BOP1: variants seen among roughly 807,000 people sequenced by gnomAD.
BOP1 encodes BOP1 ribosomal biogenesis factor, also known as ribosome biogenesis protein BOP1.
In BOP1, 54 loss-of-function variants were observed where a neutral mutation model predicts 82.9. That is an observed-to-expected ratio of 0.65 (90% CI 0.52 to 0.82). BOP1 has a LOEUF of 0.82. BOP1 is among the 40% of genes least tolerant of loss of function. The probability of loss-of-function intolerance (pLI) is 0.00; values close to 1 mark genes in which losing one functional copy is unlikely to be tolerated. For missense variants in BOP1, 1,170 were observed against 1,072.0 expected (o/e 1.09, Z -1.28); for synonymous variants, 566 against 451.1 (o/e 1.25, Z -3.23).
In BOP1 at chr8:144,262,844, A is replaced by T. The variant is rs1458260247; in HGVS notation, c.1894+9T>A. On this transcript the variant is annotated intron_variant, in intron 13 of 15. Transcript: ENST00000569669. ...CTCACCTGCAGGGTGCACCGCCCCC[A>T]CCCCTCACCTGCAGGGTGCACCGCC... 1 of 599,604 alleles carries T rather than the reference A, an allele frequency of 1.7e-6. No individual in the cohort carries two copies. The highest frequency in any genetic ancestry group is 2.2e-6 in the Non-Finnish European group (1 of 453,620). The allele number at this position is 599,604 out of a possible 1,614,324, so 37.1% of individuals were successfully genotyped here.
Position 144,264,732 on chromosome 8 carries a change from C to T in BOP1, c.645G>A (p.Val215=). 3 of 1,581,382 alleles carry T rather than the reference C, an allele frequency of 1.9e-6. No homozygotes were observed. Among genetic ancestry groups the T allele is most frequent in the Non-Finnish European group, 2.6e-6 (3 of 1,164,534 alleles). ...CACCTACCTCATAGGGGTTGAAGCC[C>T]ACATCCCCAAACTGGCCACTCTGCA... ...RRLQSGQFGD[V]GFNPYEPAVD... The change falls in exon 5 of 16, where the codon GTG becomes GTA. Residue 215 remains valine, a synonymous_variant. Transcript: ENST00000569669.
chr8:144,264,408 C>T lies in BOP1; in HGVS notation c.795G>A (p.Met265Ile), dbSNP rs1008582267. 1.1e-5 allele frequency: 17 copies of T among 1,602,678 alleles called. No individual in the cohort carries two copies. The African/African-American group carries it at 1.2e-4, about 11-fold the overall frequency. ...KVSRMVHAIKMGWIQPRRPRD... is the reference protein window; with the variant it reads ...KVSRMVHAIKIGWIQPRRPRD... ...GGGGCCGGCGAGGCTGGATCCAGCC[C>T]ATCTTGATGGCGTGCACCATGCGAG... The change falls in exon 7 of 16, where the codon ATG (methionine) becomes ATA (isoleucine). Residue 265 changes from methionine to isoleucine, a missense_variant. Met to Ile is a conservative substitution (Grantham distance 10). Coordinates refer to ENST00000569669, the MANE Select transcript of BOP1 (RefSeq NM_015201.5).
intron 3 of BOP1, 92 bp from the exon 4 acceptor site, chr8:144,265,163 GGGAGTGCAGGCCCAGCCTCAAGT>G: frequency 6.9e-7 from 1 of 1,446,650 alleles, no homozygotes. Context: ...GGGTTGCAGG[GGGAGTGCAGGCCCAGCCTCAAGT>G]GCCCTGAGGT....
chr8:144,285,136 C>T (rs1388513166), intron 2 of BOP1, among the ~76,000 whole-genome samples: 1 of 152,226 alleles, frequency 6.6e-6, no homozygotes, highest in African/African-American at 2.4e-5. Context: ...GAACAAAAGC[C>T]GCAGCTCCCT....
chr8:144,278,600 G>C (rs1157340955), intron 2 of BOP1, among the ~76,000 whole-genome samples: 1 of 152,220 alleles, frequency 6.6e-6, no homozygotes, highest in African/African-American at 2.4e-5. Context: ...AGAGGGTTCT[G>C]CTGGAGACGT....
rs1040569561 is a variant in BOP1, at chr8:144,269,806, C to G, written c.391-4735G>C. Reference sequence around the variant, plus strand: ...ACGCAGCCCCTTCCCTTCTTGGGAGCTTTCCTCACACCCCCGCCCCGCCAC... The same window carrying G: ...ACGCAGCCCCTTCCCTTCTTGGGAGGTTTCCTCACACCCCCGCCCCGCCAC... On this transcript the variant is annotated intron_variant, in intron 3 of 15. Coordinates refer to ENST00000569669, the MANE Select transcript of BOP1 (RefSeq NM_015201.5). 5.9e-5 allele frequency among the ~76,000 whole-genome samples: 9 copies of G among 152,312 alleles called. 1 individual carries two copies. Among genetic ancestry groups the G allele is most frequent in the African/African-American group, 2.2e-4 (9 of 41,574 alleles).
Position 144,263,265 on chromosome 8 carries a change from C to T in BOP1, c.1561G>A (p.Glu521Lys). 1 of 1,594,880 alleles carries T rather than the reference C, an allele frequency of 6.3e-7. No homozygotes were observed. The change falls in exon 12 of 16, where the codon GAG becomes AAG. Residue 521 changes from glutamate (E) to lysine (K), a missense_variant. By Grantham distance (56) the Glu-to-Lys change is moderately conservative. Transcript: ENST00000569669. The part of the protein sequence containing the change: ...QPARWLEASE[E>K]ERQVGLRLRI... Reference sequence around the variant, plus strand: ...AGCCGCAGGCCCACTTGGCGCTCCTCCTCTGAGGCCTCCAGCCAGCGGGCC... The same window carrying T: ...AGCCGCAGGCCCACTTGGCGCTCCTTCTCTGAGGCCTCCAGCCAGCGGGCC...
At chr8:144,269,215 T>C (rs1039380296) in intron 3 of BOP1, among the ~76,000 whole-genome samples, 39 of 152,224 alleles carry the variant, frequency 2.6e-4, no homozygotes, top group Non-Finnish European at 4.6e-4. Flanking sequence ...ACAATTACCA[T>C]TGAGTGGTGT....
chr8:144,276,318 G>C lies in BOP1; in HGVS notation c.310-14C>G. 1 of 1,612,304 alleles carries C rather than the reference G, an allele frequency of 6.2e-7. No homozygotes were observed. Among genetic ancestry groups the C allele is most frequent in the Non-Finnish European group, 8.5e-7 (1 of 1,179,780 alleles). On this transcript the variant is annotated splice_polypyrimidine_tract_variant and intron_variant, in intron 2 of 15. Transcript: ENST00000569669. ...AGGAGTGCTGGCCTGCAGAGAGAGA[G>C]AGAAAATGGTCACTTCAGGGGATAC...
chr8:144,263,453 C>A, intron 11 of BOP1, 25 bp downstream of exon 11: 1 of 1,597,912 alleles, frequency 6.3e-7, no homozygotes. Flanking sequence ...CCCCTGGCTC[C>A]CCAGCCCCCA....
chr8:144,264,181 G>A (rs2130198405), intron 7 of BOP1, 39 bp from the exon 8 acceptor site: 10 of 1,609,254 alleles, frequency 6.2e-6, no homozygotes, highest in Non-Finnish European at 8.5e-6. Flanking sequence ...AGGGTCACAG[G>A]GAAGCATGGG....
intron 2 of BOP1, among the ~76,000 whole-genome samples, chr8:144,280,926 A>ACTTTCATACCAGGTCTTC (rs1845659179): frequency 7.1e-6 from 1 of 139,940 alleles, no homozygotes; most frequent in African/African-American, 2.8e-5. Flanking sequence ...ACCAGGTCTT[A>ACTTTCATACCAGGTCTTC]GGCCTTCTCT....
chr8:144,286,556 C>T (rs1288816877), intron 2 of BOP1, among the ~76,000 whole-genome samples: 7 of 90,110 alleles, frequency 7.8e-5, no homozygotes, highest in Middle Eastern at 0.012. Context: ...CCTCGGCCTC[C>T]CAGCTAAAGC....
At chr8:144,276,347 G>T in intron 2 of BOP1, 43 bp from the exon 3 acceptor site, 2 of 1,601,930 alleles carry the variant, frequency 1.2e-6, no homozygotes, top group Non-Finnish European at 8.5e-7. Flanking sequence ...GGGATACAGG[G>T]TACCCTTTGA....
At chr8:144,290,102 T>C (rs1814999687) in intron 1 of BOP1, among the ~76,000 whole-genome samples, 1 of 152,160 alleles carries the variant, frequency 6.6e-6, no homozygotes, top group Non-Finnish European at 1.5e-5. Flanking sequence ...CTCACTCCTG[T>C]AATCCCAACA....
chr8:144,268,124 G>A, intron 3 of BOP1: 4 of 1,551,790 alleles, frequency 2.6e-6, no homozygotes, highest in Non-Finnish European at 3.5e-6. Context: ...GCGACAGAAA[G>A]ACAGCGATTC....
chr8:144,265,298 T>C, intron 3 of BOP1: 1 of 603,134 alleles, frequency 1.7e-6, no homozygotes. Context: ...GAGCTGCACC[T>C]TCACATTTTC....
At chr8:144,277,065 G>T (rs1388781892) in intron 2 of BOP1, among the ~76,000 whole-genome samples, 1 of 152,184 alleles carries the variant, frequency 6.6e-6, no homozygotes, top group East Asian at 1.9e-4. Flanking sequence ...TTTACTGGCG[G>T]AACCAAGGCT....
chr8:144,287,510 AT>A (rs1336905873), intron 2 of BOP1, among the ~76,000 whole-genome samples: 2 of 149,992 alleles, frequency 1.3e-5, no homozygotes, highest in South Asian at 2.1e-4. Context: ...TTATCTCATA[AT>A]TTTTTTTTGA....
Sources: gnomAD v4.1 joint callset for allele counts (sites outside exome capture counted in the v4.1 genomes callset) on GRCh38, gnomAD v4.1.1 for gene constraint, MANE v1.5 for transcripts, NCBI Gene and HGNC (gene_info 2026-07-23, HGNC 2026-07-21) for gene names.